The following RANBP3 variants were observed in gnomAD, a reference collection of about 807,000 sequenced individuals.
RANBP3 encodes the protein RAN binding protein 3, also known as ran-binding protein 3.
Under a neutral mutation model 77.3 loss-of-function variants are expected in RANBP3, and 14 were observed. That is an observed-to-expected ratio of 0.18 (90% CI 0.12 to 0.28). The LOEUF (loss-of-function observed/expected upper bound fraction) is 0.28, where lower values mean the gene tolerates loss of function less well. Among genes scored for constraint, RANBP3 ranks in the 10% least tolerant of loss-of-function variants. The pLI is 1.00. For synonymous variants in RANBP3, 315 were observed against 312.4 expected (o/e 1.01, Z -0.09); for missense variants, 586 against 752.3 (o/e 0.78, Z 2.59).
rs113009276 is a variant in RANBP3, at chr19:5,950,161, A to C, written c.282+1232T>G. Among the ~76,000 whole-genome samples, 308 of 152,294 alleles carry C rather than the reference A, an allele frequency of 2.0e-3. 2 individuals carry two copies. The highest frequency in any genetic ancestry group is 7.1e-3 in the African/African-American group (293 of 41,560). ...CACTCTGCCAACAAAAGAAGGACGC[A>C]GCCACCTCCTAATTCTTGCTCTGGC... On this transcript the variant is annotated intron_variant, in intron 3 of 16. Coordinates refer to ENST00000340578, the MANE Select transcript of RANBP3 (RefSeq NM_007322.3).
In RANBP3 at chr19:5,921,781, G is replaced by C. The variant is rs535890632; in HGVS notation, c.1210-460C>G. ...GTTCACACACAGATCGCACATGAAC[G>C]TGCACAGCACCATCATTCACGGTAG... On this transcript the variant is annotated intron_variant, in intron 13 of 16. Transcript: ENST00000340578. The surrounding 1 kb of genome is among the most constrained non-coding windows in gnomAD (Gnocchi z 5.3). 1.3e-5 allele frequency among the ~76,000 whole-genome samples: 2 copies of C among 152,320 alleles called. No homozygotes were observed. Among genetic ancestry groups the C allele is most frequent in the South Asian group, 4.2e-4 (2 of 4,818 alleles).
In RANBP3 at chr19:5,958,078, G is replaced by T. The variant is rs2058356637; in HGVS notation, c.23-105C>A. The T allele has an allele frequency of 9.8e-7, 1 of 1,018,308 alleles. No homozygotes were observed. The highest frequency in any genetic ancestry group is 1.5e-6 in the Non-Finnish European group (1 of 670,866). 63.1% of individuals were successfully genotyped at this position (1,018,308 alleles called of 1,614,324 possible). A position where few individuals can be genotyped will look rare whatever the true frequency, so the allele number is the denominator to read the frequency against. ...TTAAACATATATATAAATGAAACTA[G>T]TAACTCCAGAGAACATCAAATCACT... On this transcript the variant is annotated intron_variant, in intron 1 of 16. Transcript: ENST00000340578. The surrounding 1 kb of genome is among the most constrained non-coding windows in gnomAD (Gnocchi z 4.4).
chr19:5,943,843 T>G (rs1173710374), intron 3 of RANBP3, among the ~76,000 whole-genome samples: 1 of 152,182 alleles, frequency 6.6e-6, no homozygotes, highest in African/African-American at 2.4e-5. Flanking sequence ...GGGGCAATTG[T>G]GAAAATACCA....
chr19:5,940,471 G>GT (rs1472326116), intron 5 of RANBP3, among the ~76,000 whole-genome samples: 1 of 152,218 alleles, frequency 6.6e-6, no homozygotes, highest in Admixed American at 6.5e-5. Context: ...AGATGACAGT[G>GT]TAATAGCACT....
intron 2 of RANBP3, among the ~76,000 whole-genome samples, 171 bp from the exon 3 acceptor site, chr19:5,951,767 C>G (rs1599769578): frequency 6.6e-6 from 1 of 152,148 alleles, no homozygotes; most frequent in South Asian, 2.1e-4. Flanking sequence ...TCAACAAAAC[C>G]GGCTCTCCGG....
chr19:5,933,568 G>C, intron 5 of RANBP3, 89 bp from the exon 6 acceptor site: 1 of 1,040,370 alleles, frequency 9.6e-7, no homozygotes. Flanking sequence ...CTATGGTCTT[G>C]GCCTCAGTGA....
intron 9 of RANBP3, among the ~76,000 whole-genome samples, chr19:5,926,684 T>TC (rs1228228993): frequency 6.6e-6 from 1 of 152,012 alleles, no homozygotes; most frequent in East Asian, 1.9e-4. Context: ...AGCAGCTGTC[T>TC]CCCCAGACTC....
chr19:5,933,832 G>A (rs2058029241), intron 5 of RANBP3: 1 of 193,700 alleles, frequency 5.2e-6, no homozygotes, highest in Non-Finnish European at 1.1e-5. Flanking sequence ...GGGAGCCACG[G>A]AACACAGGCG....
At position 5,922,681 on chromosome 19, in the gene RANBP3, T is replaced by C. The variant is rs60493492; in HGVS notation, c.1209+513A>G. ...CGGGCTGGGCGTGGTGGCTCACGCC[T>C]GTCATCCCAGCACTTTGGGAGGCCG... On this transcript the variant is annotated intron_variant, in intron 13 of 16. Transcript: ENST00000340578. Among the ~76,000 whole-genome samples, 7 of 152,362 alleles carry C rather than the reference T, an allele frequency of 4.6e-5. No homozygotes were observed. In the East Asian group the frequency reaches 1.4e-3, roughly 29 times the overall value.
At chr19:5,941,935 C>G (rs1387748325) in intron 3 of RANBP3, 100 bp from the exon 4 acceptor site, 1 of 1,366,234 alleles carries the variant, frequency 7.3e-7, no homozygotes, top group Non-Finnish European at 1.0e-6. Context: ...GCACCACGGG[C>G]AGCTAGTTCC....
At chr19:5,929,934 G>C (rs1185892056) in intron 8 of RANBP3, among the ~76,000 whole-genome samples, 2 of 151,804 alleles carry the variant, frequency 1.3e-5, no homozygotes, top group Non-Finnish European at 2.9e-5. Context: ...CAACTTCTGA[G>C]CTCAACCATT....
intron 2 of RANBP3, among the ~76,000 whole-genome samples, chr19:5,957,356 G>A (rs2058346858): frequency 6.6e-6 from 1 of 152,172 alleles, no homozygotes; most frequent in Non-Finnish European, 1.5e-5. Context: ...CAACCACACT[G>A]CGACCCAGAC....
At chr19:5,933,761 C>G in intron 5 of RANBP3, 1 of 337,282 alleles carries the variant, frequency 3.0e-6, no homozygotes, top group Non-Finnish European at 5.5e-6. Flanking sequence ...TGTCTATGAC[C>G]TGCTGCAGGC....
chr19:5,963,432 T>C (rs1248631019), intron 1 of RANBP3, among the ~76,000 whole-genome samples: 1 of 152,094 alleles, frequency 6.6e-6, no homozygotes, highest in Non-Finnish European at 1.5e-5. Context: ...ACTCCTGTAG[T>C]CCCAGCTACT....
At position 5,921,075 on chromosome 19, in the gene RANBP3, G is replaced by C. The variant is rs140130225; in HGVS notation, c.1330+126C>G. 1.7e-5 allele frequency: 22 copies of C among 1,271,056 alleles called. No individual in the cohort carries two copies. Among genetic ancestry groups the C allele is most frequent in the Non-Finnish European group, 2.2e-5 (21 of 945,700 alleles). 78.7% of individuals were successfully genotyped at this position (1,271,056 alleles called of 1,614,324 possible). On this transcript the variant is annotated intron_variant, in intron 14 of 16. Transcript: ENST00000340578. The surrounding 1 kb of genome is among the most constrained non-coding windows in gnomAD (Gnocchi z 5.3). ...TGGGGGGCGGCTCTCATGGGAGACCGACTCTGTGCCTTGACTCTCACAAGG... is the reference window on the plus strand; with the variant it reads ...TGGGGGGCGGCTCTCATGGGAGACCCACTCTGTGCCTTGACTCTCACAAGG...
chr19:5,919,901 C>CAA (rs5826910), intron 14 of RANBP3, among the ~76,000 whole-genome samples: 7,595 of 129,816 alleles, frequency 0.059, 502 homozygotes, highest in African/African-American at 0.16. Flanking sequence ...AACTCCGTCT[C>CAA]AAAAAAAAAA....
intron 9 of RANBP3, among the ~76,000 whole-genome samples, chr19:5,926,209 A>C (rs2057907557): frequency 6.6e-6 from 1 of 152,072 alleles, no homozygotes; most frequent in Non-Finnish European, 1.5e-5. Context: ...GATGTTAGGG[A>C]CCCTGTTTGA....
intron 8 of RANBP3, among the ~76,000 whole-genome samples, chr19:5,930,789 G>A (rs1160890818): frequency 6.6e-6 from 1 of 152,120 alleles, no homozygotes; most frequent in Non-Finnish European, 1.5e-5. Flanking sequence ...GGGTGGTTTT[G>A]AACTCCTGGC....
Position 5,959,407 on chromosome 19 carries a change from C to A in RANBP3, c.23-1434G>T, listed in dbSNP as rs934159298. On this transcript the variant is annotated intron_variant, in intron 1 of 16. Transcript: ENST00000340578. This position sits in a 1 kb window ranked among gnomAD's most constrained non-coding sequence, Gnocchi z 5.1. ...ACAGACTCTGGTCTTGACCTTGGGG[C>A]ATCAGTCCACAGCCAGGCAGCCCAC... 1.3e-5 allele frequency among the ~76,000 whole-genome samples: 2 copies of A among 152,062 alleles called. No homozygotes were observed. The highest frequency in any genetic ancestry group is 2.9e-5 in the Non-Finnish European group (2 of 68,006).
Sources: allele counts gnomAD v4.1 joint callset (sites outside exome capture counted in the v4.1 genomes callset), GRCh38; gene constraint gnomAD v4.1.1; non-coding constraint Gnocchi (gnomAD v3.1); transcripts MANE v1.5; gene names NCBI Gene and HGNC (gene_info 2026-07-23, HGNC 2026-07-21).